The following PRKCZ variants were observed in gnomAD, a reference collection of about 807,000 sequenced individuals.
The protein encoded by PRKCZ is protein kinase C zeta type.
A neutral mutation model predicts 79.5 loss-of-function variants in PRKCZ; 33 were observed. The observed-to-expected ratio is 0.41, with a 90% CI of 0.31 to 0.55. The LOEUF (loss-of-function observed/expected upper bound fraction) is 0.55. PRKCZ is among the 20% of genes least tolerant of loss of function. The pLI, the probability that PRKCZ is intolerant of heterozygous loss-of-function variation, is 0.19. For missense variants in PRKCZ, 578 were observed against 813.5 expected, an observed-to-expected ratio of 0.71 and a Z score of 3.52; for synonymous variants, 342 against 320.9, an observed-to-expected ratio of 1.07 and a Z score of -0.70.
At chr1:2,170,633 C>T (rs1367014686) in intron 11 of PRKCZ, among the ~76,000 whole-genome samples, 1 of 152,212 alleles carries the variant, frequency 6.6e-6, no homozygotes, top group African/African-American at 2.4e-5. Flanking sequence ...GCCCATCAGA[C>T]ACTCCCTCCC....
intron 10 of PRKCZ, among the ~76,000 whole-genome samples, chr1:2,163,190 C>T (rs1372608622): frequency 6.6e-6 from 1 of 152,256 alleles, no homozygotes; most frequent in Non-Finnish European, 1.5e-5. Context: ...AGCGCAGTGC[C>T]ATCCTCAAGG....
intron 4 of PRKCZ, among the ~76,000 whole-genome samples, chr1:2,112,380 T>C (rs1040054314): frequency 2.6e-5 from 4 of 152,170 alleles, no homozygotes; most frequent in African/African-American, 7.2e-5. Flanking sequence ...ACCTCTGACG[T>C]GCTCCATTGC....
At chr1:2,161,164 C>A (rs1682209973) in intron 10 of PRKCZ, among the ~76,000 whole-genome samples, 1 of 152,256 alleles carries the variant, frequency 6.6e-6, no homozygotes. Flanking sequence ...GTGGGCGCAG[C>A]CGCCTCAGCC....
At chr1:2,109,688 G>A (rs977308575) in intron 4 of PRKCZ, among the ~76,000 whole-genome samples, 4 of 152,188 alleles carry the variant, frequency 2.6e-5, no homozygotes, top group African/African-American at 7.2e-5. Context: ...TCCGGAAGGC[G>A]GTGCTAGGTC....
At chr1:2,060,193 C>T (rs568460095) in intron 4 of PRKCZ, among the ~76,000 whole-genome samples, 1 of 152,376 alleles carries the variant, frequency 6.6e-6, no homozygotes, top group East Asian at 1.9e-4. Context: ...CGGCCTCCAG[C>T]ATCCGTGCCA....
rs567009988 is a variant in PRKCZ, at chr1:2,149,963, C to T, written c.688-827C>T. ...CACGAGGTCAGGAGATGGAGACCAT[C>T]CTGGCTAACACGGTGAAACCCCGTC... is the stretch of plus-strand genomic sequence containing the variant. On this transcript the variant is annotated intron_variant, in intron 8 of 17. Coordinates refer to ENST00000378567, the MANE Select transcript of PRKCZ (RefSeq NM_002744.6). This position sits in a 1 kb window ranked among gnomAD's most constrained non-coding sequence, Gnocchi z 4.1. Among the ~76,000 whole-genome samples, 75 of 151,452 alleles carry T rather than the reference C, an allele frequency of 5.0e-4. No homozygotes were observed. Among genetic ancestry groups the T allele is most frequent in the African/African-American group, 1.7e-3 (71 of 41,254 alleles).
At chr1:2,090,676 C>G (rs1255893692) in intron 4 of PRKCZ, among the ~76,000 whole-genome samples, 1 of 152,196 alleles carries the variant, frequency 6.6e-6, no homozygotes, top group Non-Finnish European at 1.5e-5. Flanking sequence ...TCCTGCGCTG[C>G]GTGTGTGGTT....
At chr1:2,171,135 C>A (rs1684341592) in intron 11 of PRKCZ, among the ~76,000 whole-genome samples, 2 of 151,982 alleles carry the variant, frequency 1.3e-5, no homozygotes, top group Admixed American at 1.3e-4. Flanking sequence ...TCGAGACCAT[C>A]CTGGCTAACA....
intron 4 of PRKCZ, among the ~76,000 whole-genome samples, chr1:2,081,706 G>A (rs1190545526): frequency 6.6e-6 from 1 of 152,172 alleles, no homozygotes; most frequent in East Asian, 1.9e-4. Context: ...CAGCTGAGTT[G>A]GCAGTGCCGT....
At position 2,174,577 on chromosome 1, in the gene PRKCZ, G is replaced by A. The variant is rs1458410500; in HGVS notation, c.1406-177G>A. On this transcript the variant is annotated intron_variant, in intron 14 of 17. Transcript: ENST00000378567. This position sits in a 1 kb window ranked among gnomAD's most constrained non-coding sequence, Gnocchi z 6.2. The stretch of plus-strand genomic sequence containing the variant: ...ACGTGCCAGCGCATGTAACCAGGAG[G>A]CCCAGGGAGGACCCGGCGGGACTCC... 6.6e-6 allele frequency among the ~76,000 whole-genome samples: 1 copy of A among 152,256 alleles called. No homozygotes were observed. The highest frequency in any genetic ancestry group is 6.5e-5 in the Admixed American group (1 of 15,290).
intron 4 of PRKCZ, among the ~76,000 whole-genome samples, chr1:2,068,793 G>A (rs1029876223): frequency 6.6e-6 from 1 of 152,164 alleles, no homozygotes; most frequent in Non-Finnish European, 1.5e-5. Flanking sequence ...TGAGAGGTTC[G>A]TGCTGCCAGT....
rs780011678 is a variant in PRKCZ, at chr1:2,185,370, G to A, written c.*361G>A. The A allele has an allele frequency of 2.8e-5, 20 of 718,854 alleles. No individual in the cohort carries two copies. Among genetic ancestry groups the A allele is most frequent in the Middle Eastern group, 4.6e-4 (2 of 4,372 alleles). The allele number at this position is 718,854 out of a possible 1,614,324, so 44.5% of individuals were successfully genotyped here. On this transcript the variant is annotated 3_prime_UTR_variant, in exon 18 of 18. Coordinates refer to ENST00000378567, the MANE Select transcript of PRKCZ (RefSeq NM_002744.6). ...GAAAGTGAGCGTGTAGCGTCCTGAG[G>A]AATAAAATGTTCCGATGATGTGGAA... is the stretch of plus-strand genomic sequence containing the variant.
chr1:2,181,620 G>T (rs1314562964), intron 16 of PRKCZ, among the ~76,000 whole-genome samples: 1 of 152,176 alleles, frequency 6.6e-6, no homozygotes, highest in Non-Finnish European at 1.5e-5. Flanking sequence ...GGTAACGCTG[G>T]CCCCTGGGGA....
chr1:2,079,838 G>C (rs1395276137), intron 4 of PRKCZ, among the ~76,000 whole-genome samples: 1 of 152,158 alleles, frequency 6.6e-6, no homozygotes, highest in Non-Finnish European at 1.5e-5. Flanking sequence ...TTGACTCGTG[G>C]GGCACCACAG....
chr1:2,140,261 A>G lies in PRKCZ; in HGVS notation c.421-3949A>G, dbSNP rs79612780. On this transcript the variant is annotated intron_variant, in intron 5 of 17. Transcript: ENST00000378567. ...CACAAAACACAGTGGGAAGCAGGAT[A>G]TCCTGAGTCCAAGCTGGTAAAAGCC... 8.0e-3 allele frequency among the ~76,000 whole-genome samples: 1,212 copies of G among 152,364 alleles called. 10 individuals carry two copies. The highest frequency in any genetic ancestry group is 0.021 in the South Asian group (101 of 4,830).
chr1:2,057,481 G>A (rs774827442), intron 3 of PRKCZ, among the ~76,000 whole-genome samples: 23 of 152,194 alleles, frequency 1.5e-4, no homozygotes, highest in Non-Finnish European at 2.4e-4. Flanking sequence ...ACCACCCATG[G>A]ATTTCTGACA....
chr1:2,059,462 T>G (rs544395765), intron 3 of PRKCZ, 79 bp from the exon 4 acceptor site: 1 of 1,549,708 alleles, frequency 6.5e-7, no homozygotes, highest in Non-Finnish European at 8.9e-7. Flanking sequence ...TCAGCCTGAC[T>G]GAGGCGGGAC....
At chr1:2,093,116 T>C (rs1665812341) in intron 4 of PRKCZ, among the ~76,000 whole-genome samples, 1 of 152,184 alleles carries the variant, frequency 6.6e-6, no homozygotes, top group Non-Finnish European at 1.5e-5. Flanking sequence ...TTCATGCTTG[T>C]GAGGACAGAG....
chr1:2,151,000 G>T (rs775275924), intron 9 of PRKCZ, 22 bp downstream of exon 9: 7 of 1,610,542 alleles, frequency 4.3e-6, no homozygotes, highest in Non-Finnish European at 5.1e-6. Flanking sequence ...TTCTCATGGG[G>T]CCCGGGGGCC....
Sources: gnomAD v4.1 joint callset for allele counts (sites outside exome capture counted in the v4.1 genomes callset) on GRCh38, gnomAD v4.1.1 for gene constraint, Gnocchi (gnomAD v3.1) non-coding constraint, MANE v1.5 for transcripts, NCBI Gene and HGNC (gene_info 2026-07-23, HGNC 2026-07-21) for gene names.